The following DNAH12 variants were observed in gnomAD, a reference collection of about 807,000 sequenced individuals.
The protein encoded by DNAH12 is axonemal beta dynein heavy chain 12.
In DNAH12, 285 loss-of-function variants were observed where a neutral mutation model predicts 371.5. The ratio of observed to expected loss-of-function variants is 0.77; its 90% CI spans 0.70 to 0.85. The LOEUF is 0.85. Among genes scored for constraint, DNAH12 ranks in the 40% least tolerant of loss-of-function variants. DNAH12 has a pLI of 0.00. For synonymous variants in DNAH12, 1,200 were observed against 1,213.0 expected, an observed-to-expected ratio of 0.99 and a Z score of 0.22; for missense variants, 3,611 against 3,689.4, an observed-to-expected ratio of 0.98 and a Z score of 0.55.
At chr3:57,521,942 G>A (rs1447744808) in intron 4 of DNAH12, among the ~76,000 whole-genome samples, 1 of 151,418 alleles carries the variant, frequency 6.6e-6, no homozygotes, top group Non-Finnish European at 1.5e-5. Flanking sequence ...AATATCTTTT[G>A]GCCAGGCGAG....
intron 11 of DNAH12, 87 bp downstream of exon 11, chr3:57,501,234 A>G: frequency 1.1e-6 from 1 of 936,476 alleles, no homozygotes; most frequent in Non-Finnish European, 1.6e-6. Flanking sequence ...AAGAAATTCT[A>G]TTTAAGCATT....
At chr3:57,371,941 CA>C (rs1169602185) in intron 55 of DNAH12, among the ~76,000 whole-genome samples, 51 of 25,860 alleles carry the variant, frequency 2.0e-3, no homozygotes, top group South Asian at 9.6e-3. Flanking sequence ...CTAAACTCAG[CA>C]AAAAAAAAAA....
upstream of DNAH12, among the ~76,000 whole-genome samples, chr3:57,549,097 AG>A (rs2153405687): frequency 1.3e-5 from 2 of 152,296 alleles, no homozygotes; most frequent in South Asian, 4.1e-4. Flanking sequence ...CCAAGGTGGG[AG>A]GATCACTTGA....
chr3:57,423,882 G>A (rs548108917), intron 35 of DNAH12, among the ~76,000 whole-genome samples: 8 of 152,068 alleles, frequency 5.3e-5, no homozygotes, highest in Admixed American at 2.6e-4. Context: ...GGGACTACAG[G>A]CGCCTGCCAC....
rs531896077 is a variant in DNAH12, at chr3:57,474,603, C to A, written c.1651-1932G>T. Among the ~76,000 whole-genome samples the A allele has an allele frequency of 7.9e-5, 12 of 152,182 alleles. No individual in the cohort carries two copies. The South Asian group carries it at 2.5e-3, about 32-fold the overall frequency. On this transcript the variant is annotated intron_variant, in intron 13 of 73. Transcript: ENST00000495027. ...GAGCCACTGTGCAGGGCCTAAAGTTCAAATTTTTAAATAGAAAATTTTAAA... is the reference window on the plus strand; with the variant it reads ...GAGCCACTGTGCAGGGCCTAAAGTTAAAATTTTTAAATAGAAAATTTTAAA...
At chr3:57,438,934 G>GAAAAAAAAAAAAAAAAAAA (rs1559659768) in intron 29 of DNAH12, among the ~76,000 whole-genome samples, 5 of 48,272 alleles carry the variant, frequency 1.0e-4, no homozygotes, top group African/African-American at 1.4e-4. Context: ...AAAAAAAAAG[G>GAAAAAAAAAAAAAAAAAAA]AAAGCAACTC....
At chr3:57,397,862 A>T (rs1191868627) in intron 43 of DNAH12, among the ~76,000 whole-genome samples, 2 of 152,244 alleles carry the variant, frequency 1.3e-5, no homozygotes, top group African/African-American at 2.4e-5. Flanking sequence ...CTGTATTTCA[A>T]ATGGTCAGCT....
At chr3:57,301,212 G>A (rs1186824470) in intron 70 of DNAH12, among the ~76,000 whole-genome samples, 1 of 124,060 alleles carries the variant, frequency 8.1e-6, no homozygotes, top group East Asian at 2.7e-4. Flanking sequence ...ATTACAGTGA[G>A]CTAAGATCAC....
chr3:57,378,614 T>C (rs2063328575), intron 52 of DNAH12, among the ~76,000 whole-genome samples: 1 of 152,210 alleles, frequency 6.6e-6, no homozygotes, highest in South Asian at 2.1e-4. Context: ...GGCAAAGCCT[T>C]TGTTGCCCTG....
chr3:57,536,831 T>A (rs2069065090), intron 2 of DNAH12, among the ~76,000 whole-genome samples: 1 of 152,222 alleles, frequency 6.6e-6, no homozygotes, highest in Admixed American at 6.5e-5. Context: ...GGAGCATGTT[T>A]TCTCCTACTG....
At chr3:57,478,450 G>T (rs1206707960) in intron 13 of DNAH12, among the ~76,000 whole-genome samples, 1 of 152,140 alleles carries the variant, frequency 6.6e-6, no homozygotes, top group Non-Finnish European at 1.5e-5. Context: ...ACGTCTGATT[G>T]GTGTACCTGA....
Position 57,413,807 on chromosome 3 carries a change from C to G in DNAH12, c.5959G>C (p.Glu1987Gln). 1 of 1,551,240 alleles carries G rather than the reference C, an allele frequency of 6.4e-7. No homozygotes were observed. Among genetic ancestry groups the G allele is most frequent in the Non-Finnish European group, 8.7e-7 (1 of 1,146,770 alleles). ...ATAGGTGGTTGAGCTCCATACTTCT[C>G]CAATGCAGGCATATTCATATCATCT... ...FIDDMNMPAL[E>Q]KYGAQPPIEL... Residue 1987 changes from glutamate (E) to glutamine (Q), a missense_variant, in exon 39 of 74, where the codon GAG becomes CAG. By Grantham distance (29) the Glu-to-Gln change is conservative. Coordinates refer to ENST00000495027, the MANE Select transcript of DNAH12 (RefSeq NM_001366028.2).
chr3:57,460,983 A>C (rs897627353), intron 19 of DNAH12, among the ~76,000 whole-genome samples: 1 of 152,186 alleles, frequency 6.6e-6, no homozygotes, highest in African/African-American at 2.4e-5. Context: ...TCTTTCCCCA[A>C]TTTATATAGT....
chr3:57,352,949 G>A (rs150222353), intron 59 of DNAH12, among the ~76,000 whole-genome samples: 1 of 151,798 alleles, frequency 6.6e-6, no homozygotes, highest in East Asian at 1.9e-4. Context: ...ATTAGCCAGG[G>A]GTGGTGGTAC....
At chr3:57,468,661 A>T in intron 17 of DNAH12, 75 bp downstream of exon 17, 1 of 856,924 alleles carries the variant, frequency 1.2e-6, no homozygotes, top group Non-Finnish European at 1.6e-6. Flanking sequence ...GATAGGCTTT[A>T]TAATTTATAT....
intron 65 of DNAH12, among the ~76,000 whole-genome samples, chr3:57,315,148 TCTC>T (rs894486781): frequency 1.3e-5 from 2 of 152,116 alleles, no homozygotes; most frequent in Non-Finnish European, 2.9e-5. Context: ...CACATGGGCT[TCTC>T]AAGAAATCTG....
intron 58 of DNAH12, among the ~76,000 whole-genome samples, chr3:57,362,180 T>C (rs1043157344): frequency 1.2e-4 from 19 of 152,234 alleles, no homozygotes; most frequent in Non-Finnish European, 8.8e-5. Context: ...TCCATGTCCC[T>C]GCGAAGAACA....
At position 57,421,651 on chromosome 3, in the gene DNAH12, C is replaced by T. The variant is rs1444042070; in HGVS notation, c.5429G>A (p.Gly1810Asp). Residue 1810 changes from glycine (G) to aspartate (D), a missense_variant, in exon 36 of 74, where the codon GGC becomes GAC. By Grantham distance (94) the Gly-to-Asp change is moderately conservative. This residue lies in a region of DNAH12 where 2,266 missense variants were observed against 2,236.9 expected (regional missense o/e 1.01). Coordinates refer to ENST00000495027, the MANE Select transcript of DNAH12 (RefSeq NM_001366028.2). ...WSIGGSCDTD[G>D]RRVFDTFIRL... ...TATGAAAGTATCAAAAACACGACGG[C>T]CATCTGTATCACAACTTCCTCCAAT... 6.4e-7 allele frequency: 1 copy of T among 1,551,568 alleles called. No homozygotes were observed. Among genetic ancestry groups the T allele is most frequent in the Admixed American group, 2.0e-5 (1 of 50,988 alleles).
the DNAH12 span, among the ~76,000 whole-genome samples, chr3:57,553,829 T>C: frequency 7.0e-6 from 1 of 142,234 alleles, no homozygotes; most frequent in South Asian, 2.2e-4. Flanking sequence ...AAGATATTTC[T>C]TTTTTTTTTT....
Sources: allele counts gnomAD v4.1 joint callset (sites outside exome capture counted in the v4.1 genomes callset), GRCh38; gene constraint gnomAD v4.1.1; regional missense constraint gnomAD v4.1.1; transcripts MANE v1.5; gene names NCBI Gene and HGNC (gene_info 2026-07-23, HGNC 2026-07-21).